FHIT: variants seen among roughly 807,000 people sequenced by gnomAD.
FHIT encodes fragile histidine triad diadenosine triphosphatase.
Under a neutral mutation model 17.9 loss-of-function variants are expected in FHIT, and 19 were observed. The observed-to-expected ratio is 1.06, with a 90% CI of 0.74 to 1.56. The LOEUF is 1.56. Ranked by LOEUF, FHIT falls within the 40% of genes most tolerant of loss-of-function variation. FHIT has a pLI of 0.00. For synonymous variants in FHIT, 81 were observed against 69.7 expected (o/e 1.16, Z -0.81); for missense variants, 248 against 189.2 (o/e 1.31, Z -1.82).
intron 5 of FHIT, among the ~76,000 whole-genome samples, chr3:60,138,588 C>A (rs1343021429): frequency 6.6e-6 from 1 of 152,086 alleles, no homozygotes; most frequent in South Asian, 2.1e-4. Context: ...TCATTGCATC[C>A]TCATGACAAC....
chr3:61,171,964 GT>G (rs2038018032), intron 2 of FHIT, among the ~76,000 whole-genome samples: 1 of 152,184 alleles, frequency 6.6e-6, no homozygotes, highest in Non-Finnish European at 1.5e-5. Context: ...AAACGTAGTG[GT>G]TTTGCTGATA....
intron 1 of FHIT, among the ~76,000 whole-genome samples, chr3:61,207,504 A>T (rs974520733): frequency 1.2e-4 from 18 of 152,156 alleles, no homozygotes; most frequent in Non-Finnish European, 2.4e-4. Context: ...AGAGCCTGTT[A>T]TTGGTCTATT....
intron 5 of FHIT, among the ~76,000 whole-genome samples, chr3:60,444,654 C>T (rs12163553): frequency 0.96 from 145,735 of 151,918 alleles, 70,178 homozygotes; most frequent in East Asian, 1. Context: ...ATGAGAACAC[C>T]TGGACACAGG....
intron 5 of FHIT, among the ~76,000 whole-genome samples, chr3:60,291,730 G>C (rs955643052): frequency 6.6e-6 from 1 of 152,024 alleles, no homozygotes; most frequent in African/African-American, 2.4e-5. Flanking sequence ...TCCATATTTA[G>C]AGTGAGCCTT....
At chr3:60,186,401 T>G (rs1702159767) in intron 5 of FHIT, among the ~76,000 whole-genome samples, 1 of 152,204 alleles carries the variant, frequency 6.6e-6, no homozygotes, top group African/African-American at 2.4e-5. Flanking sequence ...TAGTCACTTT[T>G]GTGCCCTTGT....
intron 5 of FHIT, among the ~76,000 whole-genome samples, chr3:60,257,171 A>T (rs1228383269): frequency 6.6e-6 from 1 of 152,176 alleles, no homozygotes; most frequent in Non-Finnish European, 1.5e-5. Context: ...TCCCTTGTGA[A>T]TTAAATAAAA....
rs148064477 is a variant in FHIT at position 61,031,095 on chromosome 3, C to T, written c.-111+10952G>A. On this transcript the variant is annotated intron_variant, in intron 3 of 9. Transcript: ENST00000492590. ...CTTCAACCCGATCTCAAAAGTTATT[C>T]TCGTTCAGCAAAAAATGACTATAAG... is the stretch of plus-strand genomic sequence containing the variant. Among the ~76,000 whole-genome samples, 277 of 152,148 alleles carry T rather than the reference C, an allele frequency of 1.8e-3. 2 individuals carry two copies. Among genetic ancestry groups the T allele is most frequent in the African/African-American group, 6.3e-3 (261 of 41,530 alleles).
At chr3:60,172,077 G>C (rs1244197930) in intron 5 of FHIT, among the ~76,000 whole-genome samples, 2 of 152,164 alleles carry the variant, frequency 1.3e-5, no homozygotes, top group African/African-American at 4.8e-5. Flanking sequence ...TAGTAGGGGA[G>C]ACAGGTATTA....
chr3:59,991,644 C>G (rs1264144816), intron 7 of FHIT, among the ~76,000 whole-genome samples: 4 of 152,022 alleles, frequency 2.6e-5, no homozygotes, highest in African/African-American at 9.7e-5. Flanking sequence ...TCCTTCCTTC[C>G]ATCAGTCCTG....
At chr3:60,212,768 G>A (rs1703515176) in intron 5 of FHIT, among the ~76,000 whole-genome samples, 3 of 152,238 alleles carry the variant, frequency 2.0e-5, no homozygotes, top group South Asian at 4.1e-4. Context: ...GACAGGATAT[G>A]AGAAAAACAA....
At chr3:60,783,688 G>T (rs2064013) in intron 4 of FHIT, among the ~76,000 whole-genome samples, 1 of 132,556 alleles carries the variant, frequency 7.5e-6, no homozygotes, top group African/African-American at 2.9e-5. Flanking sequence ...TGTGTAAAAA[G>T]GGGGACTAAT....
intron 8 of FHIT, among the ~76,000 whole-genome samples, chr3:59,918,638 T>C (rs1340260455): frequency 6.6e-6 from 1 of 152,118 alleles, no homozygotes; most frequent in Non-Finnish European, 1.5e-5. Flanking sequence ...AATCTTTGAG[T>C]AGCAGAGAGA....
chr3:60,439,655 G>A (rs115051067), intron 5 of FHIT, among the ~76,000 whole-genome samples: 1 of 152,070 alleles, frequency 6.6e-6, no homozygotes, highest in Non-Finnish European at 1.5e-5. Context: ...CCTGGGAAAA[G>A]AGCAAGTAAC....
intron 4 of FHIT, among the ~76,000 whole-genome samples, chr3:60,743,044 C>T (rs1398201192): frequency 2.0e-5 from 3 of 152,178 alleles, no homozygotes; most frequent in African/African-American, 7.2e-5. Flanking sequence ...ACCCTTGCTC[C>T]CTCTGGCGGG....
intron 2 of FHIT, among the ~76,000 whole-genome samples, chr3:61,193,529 G>C (rs1433447973): frequency 1.3e-5 from 2 of 152,090 alleles, no homozygotes; most frequent in Admixed American, 1.3e-4. Flanking sequence ...TAACAGACCT[G>C]CAGCATTTTT....
At chr3:60,743,078 C>A (rs1475098023) in intron 4 of FHIT, among the ~76,000 whole-genome samples, 1 of 152,172 alleles carries the variant, frequency 6.6e-6, no homozygotes, top group Non-Finnish European at 1.5e-5. Flanking sequence ...GAGCGGGAGG[C>A]ACTGTGGCAT....
At chr3:60,599,427 C>T (rs1368598473) in intron 4 of FHIT, among the ~76,000 whole-genome samples, 2 of 151,990 alleles carry the variant, frequency 1.3e-5, no homozygotes, top group Non-Finnish European at 2.9e-5. Flanking sequence ...GGATGTGAGG[C>T]TCAAAGATAA....
At chr3:60,897,648 C>T (rs189015052) in intron 3 of FHIT, among the ~76,000 whole-genome samples, 1 of 152,266 alleles carries the variant, frequency 6.6e-6, no homozygotes, top group East Asian at 1.9e-4. Context: ...TCCTATTTGC[C>T]TACTGACCGC....
At chr3:60,626,767 ATC>A (rs1303636065) in intron 4 of FHIT, among the ~76,000 whole-genome samples, 1 of 142,208 alleles carries the variant, frequency 7.0e-6, no homozygotes, top group Non-Finnish European at 1.5e-5. Context: ...CTTCTTCCTT[ATC>A]TTAGGGGAAA....
Sources: allele counts gnomAD v4.1 joint callset (sites outside exome capture counted in the v4.1 genomes callset), GRCh38; gene constraint gnomAD v4.1.1; transcripts MANE v1.5; gene names NCBI Gene and HGNC (gene_info 2026-07-23, HGNC 2026-07-21).